Variants in LAMA5 observed in about 807,000 individuals in gnomAD.
LAMA5 encodes laminin subunit alpha 5.
LAMA5 carries 260 observed loss-of-function variants against 433.4 expected under a neutral mutation model. That is an observed-to-expected ratio of 0.60 (90% CI 0.54 to 0.66). LAMA5 has a LOEUF of 0.66. Ranked by LOEUF, LAMA5 falls within the 30% of genes least tolerant of loss-of-function variation. The pLI, the probability that LAMA5 is intolerant of heterozygous loss-of-function variation, is 0.00. For synonymous variants in LAMA5, 2,620 were observed against 2,226.6 expected (o/e 1.18, Z -4.97); for missense variants, 5,378 against 5,258.5 (o/e 1.02, Z -0.70).
At position 62,346,163 on chromosome 20, in the gene LAMA5, A is replaced by T; in HGVS notation, c.1335T>A (p.Gly445=). ...FTDGTCEDLT[G]RCYCRPNFSG... ...AGAAGTTGGGCCGGCAGTAGCATCG[A>T]CCCGTCAGGTCCTCGCAGGTGCCAT... The change falls in exon 10 of 80, where the codon GGT becomes GGA. Residue 445 remains glycine, a synonymous_variant. Transcript: ENST00000252999. The T allele has an allele frequency of 6.2e-7, 1 of 1,612,886 alleles. No homozygotes were observed. Among genetic ancestry groups the T allele is most frequent in the South Asian group, 1.1e-5 (1 of 91,042 alleles).
chr20:62,321,303 G>A (rs1192736307), intron 48 of LAMA5, among the ~76,000 whole-genome samples: 35 of 91,866 alleles, frequency 3.8e-4, no homozygotes, highest in African/African-American at 1.6e-3. Flanking sequence ...GGAAGAGGGG[G>A]CCAGTGAAGG....
rs1285383393 is a variant in LAMA5, at chr20:62,332,563, A to G, written c.3437T>C (p.Leu1146Pro). The G allele has an allele frequency of 5.0e-6, 8 of 1,596,748 alleles. No homozygotes were observed. The highest frequency in any genetic ancestry group is 1.7e-5 in the Admixed American group (1 of 58,538). Residue 1146 changes from leucine to proline, a missense_variant, in exon 27 of 80, where the codon CTG becomes CCG. Physicochemically the swap from Leu to Pro is moderately conservative, Grantham distance 98. Coordinates refer to ENST00000252999, the MANE Select transcript of LAMA5 (RefSeq NM_005560.6). ...CCCACCGGCTCCCACTCACCTGTAC[A>G]GGCAGGGGTGCAGGGAGAGCAGCCC... ...QQGLLSLHPC[L>P]YSTLCRGTAR...
intron 1 of LAMA5, among the ~76,000 whole-genome samples, chr20:62,363,445 TG>T (rs757901410): frequency 6.6e-6 from 1 of 152,074 alleles, no homozygotes; most frequent in South Asian, 2.1e-4. Flanking sequence ...TGCCATCTGC[TG>T]GGGGCCTGTC....
chr20:62,366,210 G>T (rs933473233), intron 1 of LAMA5, among the ~76,000 whole-genome samples: 3 of 152,204 alleles, frequency 2.0e-5, no homozygotes, highest in African/African-American at 7.2e-5. Context: ...AGTCTACAGG[G>T]CCCCAAGAGC....
At chr20:62,357,458 G>A (rs952005223) in intron 2 of LAMA5, among the ~76,000 whole-genome samples, 2 of 152,152 alleles carry the variant, frequency 1.3e-5, no homozygotes, top group Admixed American at 6.5e-5. Context: ...GCCTCCCCTC[G>A]AAGAGACCCC....
At position 62,317,766 on chromosome 20, in the gene LAMA5, C is replaced by A; in HGVS notation, c.7252G>T (p.Glu2418Ter). The change falls in exon 54 of 80, where the codon GAG becomes TAG. Residue 2418 changes from glutamate (E) to a stop codon, truncating the protein, a stop_gained. Coordinates refer to ENST00000252999, the MANE Select transcript of LAMA5 (RefSeq NM_005560.6). LOFTEE classifies it high-confidence loss of function. ...AGGGTGGCATTGTCCCGGGACAGCT[C>A]CTGCTTCCTTTGCTGAAGGCAATGC... is the stretch of plus-strand genomic sequence containing the variant. ...RLEEALQRKQELSRDNATLQA... is the reference protein window; with the variant it reads ...RLEEALQRKQ 6.3e-7 allele frequency: 1 copy of A among 1,598,258 alleles called. No individual in the cohort carries two copies. Among genetic ancestry groups the A allele is most frequent in the Non-Finnish European group, 8.5e-7 (1 of 1,173,468 alleles).
At chr20:62,312,379 A>G in intron 68 of LAMA5, 21 bp downstream of exon 68, 1 of 1,599,574 alleles carries the variant, frequency 6.3e-7, no homozygotes, top group Non-Finnish European at 8.5e-7. Flanking sequence ...TGCCACCCCC[A>G]GCCCGGGGAG....
At chr20:62,326,544 C>T in intron 40 of LAMA5, 133 bp downstream of exon 40, 1 of 691,188 alleles carries the variant, frequency 1.4e-6, no homozygotes, top group South Asian at 1.8e-5. Context: ...CCTCCCCAGC[C>T]CCCACCCCGC....
chr20:62,311,924 T>TCTACA lies in LAMA5; in HGVS notation c.9630_9631insTGTAG (p.Thr3211CysfsTer16). On this transcript the variant is annotated frameshift_variant, in exon 70 of 80. Coordinates refer to ENST00000252999, the MANE Select transcript of LAMA5 (RefSeq NM_005560.6). LOFTEE classifies it high-confidence loss of function. Reference sequence around the variant, plus strand: ...GGGCCCAGCGGCCAGGCTCACCCCGTGGCATTGCTGTAGAAGGCGACGTAA... The same window carrying TCTACA: ...GGGCCCAGCGGCCAGGCTCACCCCGTCTACAGGCATTGCTGTAGAAGGCGACGTAA... 6.2e-7 allele frequency: 1 copy of TCTACA among 1,605,628 alleles called. No individual in the cohort carries two copies.
chr20:62,317,076 T>C, intron 55 of LAMA5, 53 bp from the exon 56 acceptor site: 3 of 1,483,598 alleles, frequency 2.0e-6, no homozygotes, highest in Non-Finnish European at 2.7e-6. Flanking sequence ...GCCCTCGGCC[T>C]GGCTCTCCAG....
intron 19 of LAMA5, 44 bp from the exon 20 acceptor site, chr20:62,335,170 T>C (rs2146215244): frequency 1.2e-6 from 2 of 1,612,428 alleles, no homozygotes; most frequent in Non-Finnish European, 1.7e-6. Context: ...GGGAGGGTCC[T>C]GACCAGTGTG....
Position 62,318,591 on chromosome 20 carries a change from T to G in LAMA5, c.7102A>C (p.Thr2368Pro), listed in dbSNP as rs766523440. 6.2e-7 allele frequency: 1 copy of G among 1,610,866 alleles called. No individual in the cohort carries two copies. The highest frequency in any genetic ancestry group is 8.5e-7 in the Non-Finnish European group (1 of 1,179,046). Residue 2368 changes from threonine to proline, a missense_variant, in exon 53 of 80, where the codon ACA (threonine) becomes CCA (proline). Physicochemically the swap from Thr to Pro is conservative, Grantham distance 38. Coordinates refer to ENST00000252999, the MANE Select transcript of LAMA5 (RefSeq NM_005560.6). ...SLWEENQALA[T>P]QTRDRLAQHE... is the part of the protein sequence containing the mutation. ...TGGGCCAGCCGGTCGCGGGTTTGTG[T>G]GGCCAGTGCCTGGTTCTCCTCCCAG...
Position 62,311,267 on chromosome 20 carries a change from C to T in LAMA5, c.9983G>A (p.Cys3328Tyr). 1.2e-6 allele frequency: 2 copies of T among 1,603,072 alleles called. No individual in the cohort carries two copies. The highest frequency in any genetic ancestry group is 1.7e-6 in the Non-Finnish European group (2 of 1,176,244). The change falls in exon 73 of 80, where the codon TGC (cysteine) becomes TAC (tyrosine). Residue 3328 changes from cysteine (C) to tyrosine (Y), a missense_variant. Transcript: ENST00000252999. ...GGTCCTGAGGTGTGGGGGCAGCATG[C>T]AGGCAGGATGCCGGGCGGGCTGACG... ...RSRQPARHPA[C>Y]MLPPHLRTTR...
chr20:62,320,508 G>A (rs1476092405), intron 50 of LAMA5, 51 bp downstream of exon 50: 6 of 1,390,498 alleles, frequency 4.3e-6, no homozygotes, highest in African/African-American at 1.4e-5. Context: ...CGAACCGCGG[G>A]GAACACAGGT....
At chr20:62,349,228 G>A (rs1291159924) in intron 6 of LAMA5, among the ~76,000 whole-genome samples, 39 of 124,254 alleles carry the variant, frequency 3.1e-4, no homozygotes, top group African/African-American at 1.1e-3. Flanking sequence ...CCGAGATCGT[G>A]CCACTGCACG....
chr20:62,321,478 T>A (rs1354771315), intron 48 of LAMA5, among the ~76,000 whole-genome samples: 2 of 666 alleles, frequency 3.0e-3, no homozygotes, highest in Non-Finnish European at 4.9e-3. Flanking sequence ...GTGGGGTCAG[T>A]GGAGGGGTGG....
chr20:62,332,343 C>T (rs747846635), intron 28 of LAMA5, 29 bp downstream of exon 28: 5 of 1,506,988 alleles, frequency 3.3e-6, no homozygotes, highest in Non-Finnish European at 4.6e-6. Context: ...AAGCTGACCC[C>T]TTGGGGTGGG....
At chr20:62,326,276 G>T (rs1032143549) in intron 40 of LAMA5, among the ~76,000 whole-genome samples, 2 of 152,018 alleles carry the variant, frequency 1.3e-5, no homozygotes, top group African/African-American at 2.4e-5. Context: ...TGTGAGAGGG[G>T]AGAAGACGGT....
intron 11 of LAMA5, among the ~76,000 whole-genome samples, chr20:62,343,782 A>AAAAAAAAAAAG (rs1422450198): frequency 6.7e-6 from 1 of 149,908 alleles, no homozygotes; most frequent in Non-Finnish European, 1.5e-5. Flanking sequence ...ATCAAAAAAA[A>AAAAAAAAAAAG]AAAAAAGAAA....
Sources: allele counts gnomAD v4.1 joint callset (sites outside exome capture counted in the v4.1 genomes callset), GRCh38; gene constraint gnomAD v4.1.1; transcripts MANE v1.5; gene names NCBI Gene and HGNC (gene_info 2026-07-23, HGNC 2026-07-21).